The following ZNF473 variants were observed in gnomAD, a reference collection of about 807,000 sequenced individuals.
ZNF473 encodes the protein zinc finger protein 473.
In ZNF473, 4 loss-of-function variants were observed where a neutral mutation model predicts 11.1. The observed-to-expected ratio is 0.36, with a 90% CI of 0.18 to 0.82. The LOEUF (loss-of-function observed/expected upper bound fraction) is 0.82, where lower values mean the gene tolerates loss of function less well. Ranked by LOEUF, ZNF473 falls within the 40% of genes least tolerant of loss-of-function variation. The pLI is 0.49. For missense variants in ZNF473, 854 were observed against 1,084.0 expected (o/e 0.79, Z 2.98); for synonymous variants, 404 against 390.4 (o/e 1.03, Z -0.41).
intron 3 of ZNF473, chr19:50,041,303 G>A (rs374061803): frequency 6.5e-6 from 1 of 153,294 alleles, no homozygotes; most frequent in Non-Finnish European, 1.5e-5. Flanking sequence ...AGCTTGTGGA[G>A]GGTATGGCTC....
At position 50,042,117 on chromosome 19, in the gene ZNF473, C is replaced by T. The variant is rs191322691; in HGVS notation, c.226+298C>T. On this transcript the variant is annotated intron_variant, in intron 4 of 4. Coordinates refer to ENST00000270617, the MANE Select transcript of ZNF473 (RefSeq NM_015428.4). Reference sequence around the variant, plus strand: ...TCAACAAGGGTACGCCCTCCACTCTCTCAGTTGGTCTCTCTACTTTCCTGC... The same window carrying T: ...TCAACAAGGGTACGCCCTCCACTCTTTCAGTTGGTCTCTCTACTTTCCTGC... The T allele has an allele frequency of 4.2e-3, 870 of 209,386 alleles. 2 individuals are homozygous for T. Among genetic ancestry groups the T allele is most frequent in the Non-Finnish European group, 5.4e-3 (562 of 104,516 alleles). 13.0% of individuals were successfully genotyped at this position (209,386 alleles called of 1,614,324 possible). A position where few individuals can be genotyped will look rare whatever the true frequency, so the allele number is the denominator to read the frequency against.
Position 50,046,960 on chromosome 19 carries a change from G to A in ZNF473, c.2517G>A (p.Glu839=), listed in dbSNP as rs1481896831. ...LNQHLRVHTQ[E]TLYQCQRCQK... is the part of the protein sequence containing the mutation. ...AGCACCTGAGAGTTCACACCCAGGA[G>A]ACACTTTATCAGTGTCAACGTTGCC... Residue 839 remains glutamate (E), a synonymous_variant, in exon 5 of 5, where the codon GAG becomes GAA. Coordinates refer to ENST00000270617, the MANE Select transcript of ZNF473 (RefSeq NM_015428.4). This position sits in a 1 kb window ranked among gnomAD's most constrained non-coding sequence, Gnocchi z 5.9. 6.2e-7 allele frequency: 1 copy of A among 1,614,174 alleles called. No homozygotes were observed. The highest frequency in any genetic ancestry group is 8.5e-7 in the Non-Finnish European group (1 of 1,180,040).
chr19:50,046,504 C>T lies in ZNF473; in HGVS notation c.2061C>T (p.Asn687=). The T allele has an allele frequency of 2.5e-6, 4 of 1,614,244 alleles. No homozygotes were observed. Among genetic ancestry groups the T allele is most frequent in the Non-Finnish European group, 3.4e-6 (4 of 1,180,050 alleles). The change falls in exon 5 of 5, where the codon AAC becomes AAT. Residue 687 remains asparagine, a synonymous_variant. Transcript: ENST00000270617. The surrounding 1 kb of genome is among the most constrained non-coding windows in gnomAD (Gnocchi z 5.9). The stretch of plus-strand genomic sequence containing the variant: ...GTGACAGAGTCTTCACCCAGAGAAA[C>T]TACCTTGTTCAGCATGAGCGAACTC... ...SKCDRVFTQR[N]YLVQHERTHA...
rs1169655904 is a variant in ZNF473 at position 50,041,733 on chromosome 19, C to A, written c.140C>A (p.Pro47His). The A allele has an allele frequency of 6.2e-7, 1 of 1,610,310 alleles. No homozygotes were observed. Among genetic ancestry groups the A allele is most frequent in the South Asian group, 1.1e-5 (1 of 90,646 alleles). The change falls in exon 4 of 5, where the codon CCC (proline) becomes CAC (histidine). Residue 47 changes from proline (P) to histidine (H), a missense_variant. Around this residue, in one of 2 missense-constraint regions of ZNF473, gnomAD observed 668 missense variants for 790.2 expected, o/e 0.85. Transcript: ENST00000270617. ...DNCQDLFLLD[P>H]PRPNLTSHPD... ...CAATGCTTTTCTCTCCCTGCAGACC[C>A]CCCAAGACCCAACCTGACCTCCCAC...
intron 2 of ZNF473, among the ~76,000 whole-genome samples, chr19:50,035,889 G>A (rs28558788): frequency 0.01 from 1,565 of 152,280 alleles, 20 homozygotes; most frequent in African/African-American, 0.036. Context: ...CCTGGGGATT[G>A]TGTAGCAGAT....
intron 3 of ZNF473, chr19:50,040,723 T>C (rs1241481612): frequency 6.6e-6 from 1 of 152,272 alleles, no homozygotes; most frequent in African/African-American, 2.4e-5. Context: ...TTCTTTCTTT[T>C]TGAAGAACCA....
chr19:50,046,206 T>C lies in ZNF473; in HGVS notation c.1763T>C (p.Val588Ala). The change falls in exon 5 of 5, where the codon GTG (valine) becomes GCG (alanine). Residue 588 changes from valine to alanine, a missense_variant. Transcript: ENST00000270617. The surrounding 1 kb of genome is among the most constrained non-coding windows in gnomAD (Gnocchi z 5.9). ...TQHERIHTRGVKPFECDQCGK... is the reference protein window; with the variant it reads ...TQHERIHTRGAKPFECDQCGK... The stretch of plus-strand genomic sequence containing the variant: ...CACGAGAGGATTCACACCAGGGGAG[T>C]GAAGCCCTTTGAATGTGACCAGTGT... 6.2e-7 allele frequency: 1 copy of C among 1,613,816 alleles called. No individual in the cohort carries two copies. The highest frequency in any genetic ancestry group is 1.1e-5 in the South Asian group (1 of 91,052).
At position 50,034,214 on chromosome 19, in the gene ZNF473, C is replaced by T. The variant is rs1304531654; in HGVS notation, c.9+3123C>T. Among the ~76,000 whole-genome samples the T allele has an allele frequency of 2.0e-5, 3 of 152,128 alleles. No homozygotes were observed. In the East Asian group the frequency reaches 5.8e-4, roughly 29 times the overall value. ...ACCCTCCATGTTATTCGTCAGGAAA[C>T]CTTGTCAGCACCGTTATCTGAATAT... On this transcript the variant is annotated intron_variant, in intron 2 of 4. Coordinates refer to ENST00000270617, the MANE Select transcript of ZNF473 (RefSeq NM_015428.4).
intron 4 of ZNF473, 120 bp from the exon 5 acceptor site, chr19:50,044,550 A>G (rs1412854319): frequency 9.0e-6 from 7 of 778,972 alleles, no homozygotes; most frequent in Admixed American, 2.5e-5. Context: ...CCAGTTCCAC[A>G]TGGGTCACCC....
At chr19:50,037,066 C>T (rs1446033465) in intron 2 of ZNF473, among the ~76,000 whole-genome samples, 2 of 152,166 alleles carry the variant, frequency 1.3e-5, no homozygotes, top group Non-Finnish European at 2.9e-5. Context: ...TGCCGGCATG[C>T]AGAAAGCTGT....
chr19:50,044,108 G>A (rs1978936505), intron 4 of ZNF473, among the ~76,000 whole-genome samples: 2 of 152,106 alleles, frequency 1.3e-5, no homozygotes, highest in Non-Finnish European at 2.9e-5. Flanking sequence ...GAAGACTAGA[G>A]AGAGAGAGAG....
intron 3 of ZNF473, among the ~76,000 whole-genome samples, chr19:50,040,233 A>G (rs1480020680): frequency 6.6e-6 from 1 of 152,244 alleles, no homozygotes; most frequent in Non-Finnish European, 1.5e-5. Flanking sequence ...GCCAGGCACA[A>G]GCTTCCAGAA....
chr19:50,029,437 C>T (rs781573698), intron 1 of ZNF473, among the ~76,000 whole-genome samples: 59 of 152,238 alleles, frequency 3.9e-4, no homozygotes, highest in Non-Finnish European at 7.3e-4. Context: ...TGAGCCACTG[C>T]GGCCAGCCCT....
intron 2 of ZNF473, among the ~76,000 whole-genome samples, chr19:50,031,728 C>G (rs538752228): frequency 1.6e-4 from 25 of 152,306 alleles, no homozygotes; most frequent in African/African-American, 6.0e-4. Context: ...GATGGGGATT[C>G]ATCTCTGGGT....
intron 2 of ZNF473, among the ~76,000 whole-genome samples, chr19:50,037,231 T>C (rs1229709186): frequency 6.6e-6 from 1 of 152,144 alleles, no homozygotes; most frequent in Non-Finnish European, 1.5e-5. Context: ...GTAGCAGCCC[T>C]GATGAGATGG....
intron 4 of ZNF473, 62 bp downstream of exon 4, chr19:50,041,881 T>C: frequency 2.2e-6 from 3 of 1,369,546 alleles, no homozygotes; most frequent in South Asian, 1.3e-5. Flanking sequence ...ATCCTGAGGC[T>C]GCAGCCAGCT....
At chr19:50,037,987 C>G (rs1978549817) in intron 2 of ZNF473, among the ~76,000 whole-genome samples, 1 of 147,608 alleles carries the variant, frequency 6.8e-6, no homozygotes, top group South Asian at 2.1e-4. Context: ...AACTCTACCG[C>G]TGACTAGCCA....
intron 2 of ZNF473, among the ~76,000 whole-genome samples, chr19:50,038,733 A>C (rs1978607794): frequency 1.3e-5 from 2 of 152,178 alleles, no homozygotes. Context: ...TTCAGTGATT[A>C]AGGAGTTACT....
At chr19:50,041,849 A>G (rs764465200) in intron 4 of ZNF473, 30 bp downstream of exon 4, 14 of 1,569,668 alleles carry the variant, frequency 8.9e-6, no homozygotes, top group Non-Finnish European at 1.2e-5. Flanking sequence ...CCCCTTGTGT[A>G]CCTTCTGTCT....
Sources: allele counts gnomAD v4.1 joint callset (sites outside exome capture counted in the v4.1 genomes callset), GRCh38; gene constraint gnomAD v4.1.1; regional missense constraint gnomAD v4.1.1; non-coding constraint Gnocchi (gnomAD v3.1); transcripts MANE v1.5; gene names NCBI Gene and HGNC (gene_info 2026-07-23, HGNC 2026-07-21).